Variants in SGCZ observed in about 807,000 individuals in gnomAD.
SGCZ encodes the protein zeta-sarcoglycan.
SGCZ carries 40 observed loss-of-function variants against 41.3 expected under a neutral mutation model. The ratio of observed to expected loss-of-function variants is 0.97; its 90% CI spans 0.75 to 1.26. The LOEUF (loss-of-function observed/expected upper bound fraction) is 1.26. Among genes scored for constraint, SGCZ ranks in the 50% most tolerant of loss-of-function variants. The pLI, the probability that SGCZ is intolerant of heterozygous loss-of-function variation, is 0.00. For missense variants in SGCZ, 552 were observed against 369.8 expected (o/e 1.49, Z -4.04); for synonymous variants, 206 against 137.5 (o/e 1.50, Z -3.49).
chr8:14,877,814 G>A (rs1224886588), intron 1 of SGCZ, among the ~76,000 whole-genome samples: 30 of 151,856 alleles, frequency 2.0e-4, no homozygotes, highest in Non-Finnish European at 1.9e-4. Flanking sequence ...CAAATGATAA[G>A]GAAAAACTGA....
intron 1 of SGCZ, among the ~76,000 whole-genome samples, chr8:14,766,639 G>T (rs1193974393): frequency 6.6e-6 from 1 of 151,384 alleles, no homozygotes; most frequent in African/African-American, 2.4e-5. Context: ...TCGGCTCACT[G>T]CAATTTCCAC....
At chr8:14,380,927 T>G (rs559047770) in intron 2 of SGCZ, among the ~76,000 whole-genome samples, 1 of 152,302 alleles carries the variant, frequency 6.6e-6, no homozygotes, top group African/African-American at 2.4e-5. Flanking sequence ...TTTCATGTTC[T>G]TAATTCCAAT....
chr8:14,135,443 AAAG>A (rs1161898589), intron 5 of SGCZ, among the ~76,000 whole-genome samples: 7 of 152,352 alleles, frequency 4.6e-5, no homozygotes, highest in African/African-American at 1.7e-4. Flanking sequence ...GAAGAATACA[AAAG>A]AAGTAAGAGG....
At chr8:15,026,277 T>C (rs182819513) in intron 1 of SGCZ, among the ~76,000 whole-genome samples, 350 of 152,266 alleles carry the variant, frequency 2.3e-3, no homozygotes, top group Middle Eastern at 0.01. Flanking sequence ...CTGAAAGAAA[T>C]ACCTAGGATG....
intron 1 of SGCZ, among the ~76,000 whole-genome samples, chr8:14,754,952 A>T (rs1456746652): frequency 6.6e-6 from 1 of 152,136 alleles, no homozygotes; most frequent in African/African-American, 2.4e-5. Context: ...AATGGTCTCA[A>T]TTCCTGAGCT....
chr8:14,559,052 C>A (rs1804126457), intron 1 of SGCZ, among the ~76,000 whole-genome samples: 1 of 152,094 alleles, frequency 6.6e-6, no homozygotes, highest in Non-Finnish European at 1.5e-5. Context: ...TGAAAGCATT[C>A]TCTCTGAGAA....
intron 2 of SGCZ, among the ~76,000 whole-genome samples, chr8:14,328,469 A>C (rs1802199465): frequency 6.6e-6 from 1 of 152,158 alleles, no homozygotes. Context: ...TCATCTGTAA[A>C]TGGAATGGTA....
At chr8:14,143,000 A>T (rs1227845733) in intron 5 of SGCZ, among the ~76,000 whole-genome samples, 3 of 55,100 alleles carry the variant, frequency 5.4e-5, no homozygotes, top group East Asian at 5.9e-4. Context: ...TTTATAAATT[A>T]AAAAAAAAAA....
intron 5 of SGCZ, among the ~76,000 whole-genome samples, chr8:14,127,168 T>C (rs1352659387): frequency 6.7e-6 from 1 of 150,330 alleles, no homozygotes; most frequent in Non-Finnish European, 1.5e-5. Context: ...AAGATAAAAT[T>C]AAAATAAATA....
intron 1 of SGCZ, among the ~76,000 whole-genome samples, chr8:15,016,820 C>A (rs868851829): frequency 1.3e-5 from 2 of 152,024 alleles, no homozygotes; most frequent in Admixed American, 6.6e-5. Flanking sequence ...CCTCAGGAAG[C>A]TTTTACTCAT....
At chr8:14,166,640 G>C (rs1019607786) in intron 4 of SGCZ, among the ~76,000 whole-genome samples, 7 of 152,016 alleles carry the variant, frequency 4.6e-5, no homozygotes, top group African/African-American at 1.7e-4. Context: ...GACTTTAATG[G>C]CATAGATGTA....
At chr8:14,323,766 G>C (rs1292668489) in intron 3 of SGCZ, among the ~76,000 whole-genome samples, 4 of 152,008 alleles carry the variant, frequency 2.6e-5, no homozygotes, top group Admixed American at 2.6e-4. Flanking sequence ...TCAAATCAGT[G>C]CCTTTTTGAA....
intron 1 of SGCZ, among the ~76,000 whole-genome samples, chr8:14,908,194 G>C (rs1395259046): frequency 6.6e-6 from 1 of 152,062 alleles, no homozygotes; most frequent in African/African-American, 2.4e-5. Flanking sequence ...AATATTTTTA[G>C]GCATTATGGC....
At chr8:14,311,234 A>T (rs982694705) in intron 3 of SGCZ, among the ~76,000 whole-genome samples, 12 of 152,122 alleles carry the variant, frequency 7.9e-5, no homozygotes, top group Non-Finnish European at 8.8e-5. Context: ...TGTCACTAGT[A>T]ATTGTTTACA....
chr8:14,541,210 T>C (rs1007614769), intron 2 of SGCZ, among the ~76,000 whole-genome samples: 19 of 152,096 alleles, frequency 1.2e-4, no homozygotes, highest in African/African-American at 4.3e-4. Flanking sequence ...GGTATACACG[T>C]GCCATGGTGG....
chr8:15,033,221 C>T (rs950238164), intron 1 of SGCZ, among the ~76,000 whole-genome samples: 1 of 151,616 alleles, frequency 6.6e-6, no homozygotes, highest in South Asian at 2.1e-4. Context: ...AGGAATCAGG[C>T]CAGCCCTCAT....
chr8:14,355,091 A>T (rs961677093), intron 2 of SGCZ, among the ~76,000 whole-genome samples: 4 of 152,010 alleles, frequency 2.6e-5, no homozygotes, highest in African/African-American at 9.7e-5. Flanking sequence ...TTAAATTCAA[A>T]TATGTTATTA....
chr8:14,188,770 A>C (rs1563174933), intron 4 of SGCZ, among the ~76,000 whole-genome samples: 1 of 151,886 alleles, frequency 6.6e-6, no homozygotes, highest in East Asian at 1.9e-4. Context: ...TATCCAAAAT[A>C]ATAATCCCAC....
chr8:14,413,779 G>A (rs905509678), intron 2 of SGCZ, among the ~76,000 whole-genome samples: 2 of 151,766 alleles, frequency 1.3e-5, no homozygotes, highest in East Asian at 3.9e-4. Flanking sequence ...ACATTCTAAC[G>A]AAGAGTCTGT....
Sources: gnomAD v4.1 joint callset for allele counts (sites outside exome capture counted in the v4.1 genomes callset) on GRCh38, gnomAD v4.1.1 for gene constraint, MANE v1.5 for transcripts, NCBI Gene and HGNC (gene_info 2026-07-23, HGNC 2026-07-21) for gene names.